The following ECE1 variants were observed in gnomAD, a reference collection of about 807,000 sequenced individuals.
The protein encoded by ECE1 is endothelin converting enzyme 1.
A neutral mutation model predicts 98.6 loss-of-function variants in ECE1; 35 were observed. The observed-to-expected ratio is 0.35, with a 90% confidence interval of 0.27 to 0.47. The LOEUF is 0.47. Ranked by LOEUF, ECE1 falls within the 20% of genes least tolerant of loss-of-function variation. ECE1 has a pLI of 1.00. For synonymous variants in ECE1, 394 were observed against 407.1 expected (o/e 0.97, Z 0.39); for missense variants, 814 against 1,025.3 (o/e 0.79, Z 2.81).
intron 4 of ECE1, among the ~76,000 whole-genome samples, chr1:21,264,320 C>CCCT (rs1491483518): frequency 3.0e-4 from 6 of 20,254 alleles, no homozygotes; most frequent in East Asian, 0.012. Context: ...CCCCCCCCCC[C>CCCT]TTTTTTTTTT....
In ECE1 at chr1:21,223,261, C is replaced by T. The variant is rs142335927; in HGVS notation, c.2041-1419G>A. On this transcript the variant is annotated intron_variant, in intron 17 of 18. Coordinates refer to ENST00000374893, the MANE Select transcript of ECE1 (RefSeq NM_001397.3). ...GTGCTGGGATTACAAGCATGAGCCACGGCACCCAGAGGACTCTTGTTTTAT... is the reference window on the plus strand; with the variant it reads ...GTGCTGGGATTACAAGCATGAGCCATGGCACCCAGAGGACTCTTGTTTTAT... Among the ~76,000 whole-genome samples the T allele has an allele frequency of 1.6e-3, 241 of 152,008 alleles. 1 individual carries two copies. Among genetic ancestry groups the T allele is most frequent in the African/African-American group, 5.4e-3 (226 of 41,478 alleles).
intron 7 of ECE1, 115 bp downstream of exon 7, chr1:21,257,410 G>T: frequency 1.7e-6 from 2 of 1,176,352 alleles, no homozygotes; most frequent in Non-Finnish European, 2.5e-6. Flanking sequence ...CACCCATCAG[G>T]TCACTGACAC....
chr1:21,231,261 G>T (rs1034320420), intron 14 of ECE1, among the ~76,000 whole-genome samples: 1 of 152,174 alleles, frequency 6.6e-6, no homozygotes, highest in Admixed American at 6.5e-5. Flanking sequence ...AGTGCAGTGA[G>T]ATGGGTACCA....
chr1:21,239,201 C>A (rs1370811057), intron 10 of ECE1, among the ~76,000 whole-genome samples: 1 of 152,114 alleles, frequency 6.6e-6, no homozygotes, highest in East Asian at 1.9e-4. Context: ...CCATACAACC[C>A]CTCTGTGCAA....
chr1:21,302,009 C>A (rs1638496216), intron 1 of ECE1, among the ~76,000 whole-genome samples: 1 of 152,150 alleles, frequency 6.6e-6, no homozygotes, highest in Admixed American at 6.5e-5. Flanking sequence ...CCCTTCCAGG[C>A]CAGGCTCACT....
At chr1:21,237,016 C>G (rs530848604) in intron 11 of ECE1, among the ~76,000 whole-genome samples, 172 bp from the exon 12 acceptor site, 1 of 152,292 alleles carries the variant, frequency 6.6e-6, no homozygotes, top group East Asian at 1.9e-4. Flanking sequence ...CTAACGTGAA[C>G]ACCCTGCAAG....
chr1:21,263,566 A>G (rs546019767), intron 4 of ECE1, among the ~76,000 whole-genome samples: 1 of 152,224 alleles, frequency 6.6e-6, no homozygotes, highest in Admixed American at 6.5e-5. Context: ...CATGTTGGCC[A>G]GGATGGTCTC....
chr1:21,245,226 G>A, intron 9 of ECE1, 123 bp from the exon 10 acceptor site: 1 of 801,090 alleles, frequency 1.2e-6, no homozygotes, highest in Non-Finnish European at 2.1e-6. Flanking sequence ...CTTCCAGCCT[G>A]CGGGGGCTTG....
chr1:21,313,378 C>T (rs1638768457), intron 1 of ECE1, among the ~76,000 whole-genome samples: 2 of 152,270 alleles, frequency 1.3e-5, no homozygotes, highest in East Asian at 1.9e-4. Context: ...GGAGGGAGCC[C>T]GGGAGGAAAC....
intron 1 of ECE1, among the ~76,000 whole-genome samples, chr1:21,301,151 C>T (rs1488384967): frequency 6.6e-6 from 1 of 152,166 alleles, no homozygotes; most frequent in African/African-American, 2.4e-5. Context: ...ACACATGGAC[C>T]AAGCTTCCCT....
rs1392502929 is a variant in ECE1 at position 21,227,140 on chromosome 1, GC to G, written c.1849+18del. ...GGAGATTACAGGCATGAGCCATCGT[GC>G]CCAGCTGGAATTCGTACCTTGATCA... On this transcript the variant is annotated intron_variant, in intron 16 of 18. Coordinates refer to ENST00000374893, the MANE Select transcript of ECE1 (RefSeq NM_001397.3). 10 of 1,613,140 alleles carry G rather than the reference GC, an allele frequency of 6.2e-6. No individual in the cohort carries two copies. Among genetic ancestry groups the G allele is most frequent in the Non-Finnish European group, 8.5e-6 (10 of 1,179,518 alleles).
chr1:21,225,695 CT>C lies in ECE1; in HGVS notation c.1850-256del, dbSNP rs11293119. ...CAGTGGGGCTTGCTTTGTTTTCTTT[CT>C]TTTTTTTTTTTTTTTGAGACAGTCT... On this transcript the variant is annotated intron_variant, in intron 16 of 18. Transcript: ENST00000374893. The surrounding 1 kb of genome is among the most constrained non-coding windows in gnomAD (Gnocchi z 5.3). Among the ~76,000 whole-genome samples, 18,119 of 137,198 alleles carry C rather than the reference CT, an allele frequency of 0.13. 2,631 individuals are homozygous for C. Among genetic ancestry groups the C allele is most frequent in the African/African-American group, 0.37 (13,813 of 37,150 alleles). The allele number at this position is 137,198 out of a possible 152,430, so 90.0% of individuals were successfully genotyped here.
chr1:21,236,835 T>C lies in ECE1; in HGVS notation c.1399A>G (p.Ile467Val). The C allele has an allele frequency of 6.2e-7, 1 of 1,613,790 alleles. No individual in the cohort carries two copies. Among genetic ancestry groups the C allele is most frequent in the Non-Finnish European group, 8.5e-7 (1 of 1,180,004 alleles). ...AEDSKSIATEIILEIKKAFEE... is the reference protein window; with the variant it reads ...AEDSKSIATEVILEIKKAFEE... The stretch of plus-strand genomic sequence containing the variant: ...AATGCCTTCTTAATCTCCAGGATGA[T>C]CTCGGTGGCCTGAGGAGATACACAT... The change falls in exon 12 of 19, where the codon ATC becomes GTC. Residue 467 changes from isoleucine (I) to valine (V), a missense_variant. Physicochemically the swap from Ile to Val is conservative, Grantham distance 29. Coordinates refer to ENST00000374893, the MANE Select transcript of ECE1 (RefSeq NM_001397.3).
Position 21,328,764 on chromosome 1 carries a change from G to GAA in ECE1, c.3+16610_3+16611dup, listed in dbSNP as rs35883969. Among the ~76,000 whole-genome samples the GAA allele has an allele frequency of 8.1e-3, 406 of 50,106 alleles. 5 individuals are homozygous for GAA. The highest frequency in any genetic ancestry group is 0.027 in the African/African-American group (358 of 13,142). The allele number at this position is 50,106 out of a possible 152,430, so 32.9% of individuals were successfully genotyped here. A position where few individuals can be genotyped will look rare whatever the true frequency, so the allele number is the denominator to read the frequency against. On this transcript the variant is annotated intron_variant, in intron 1 of 18. Transcript: ENST00000415912. ...AGCAACAAGAGCGAACCTCCATCTC[G>GAA]AAAAAAAAAAAAAAAAAAAAAAGAA...
At chr1:21,276,094 C>T (rs1477270183) in intron 3 of ECE1, among the ~76,000 whole-genome samples, 4 of 134,950 alleles carry the variant, frequency 3.0e-5, no homozygotes, top group African/African-American at 5.9e-5. Flanking sequence ...GGCATAATCT[C>T]GACTCGCTGC....
chr1:21,264,380 A>G (rs212536), intron 4 of ECE1, among the ~76,000 whole-genome samples: 3 of 148,604 alleles, frequency 2.0e-5, no homozygotes, highest in Non-Finnish European at 4.5e-5. Flanking sequence ...AGTGGCACGA[A>G]CTTGGCTCAC....
At chr1:21,229,782 A>C (rs2098179404) in intron 14 of ECE1, among the ~76,000 whole-genome samples, 1 of 152,200 alleles carries the variant, frequency 6.6e-6, no homozygotes, top group South Asian at 2.1e-4. Flanking sequence ...ATTGTTTTCC[A>C]AATGACTAAG....
chr1:21,256,294 G>A (rs917420841), intron 7 of ECE1, among the ~76,000 whole-genome samples, 156 bp from the exon 8 acceptor site: 8 of 152,090 alleles, frequency 5.3e-5, no homozygotes, highest in Admixed American at 2.0e-4. Flanking sequence ...GGTGGCTCAC[G>A]CCTGTAATCC....
chr1:21,304,736 A>C (rs1638560618), intron 1 of ECE1, among the ~76,000 whole-genome samples: 2 of 152,208 alleles, frequency 1.3e-5, no homozygotes, highest in Admixed American at 1.3e-4. Flanking sequence ...TTCTGTGGTT[A>C]CACAGGTGTC....
Sources: gnomAD v4.1 joint callset for allele counts (sites outside exome capture counted in the v4.1 genomes callset) on GRCh38, gnomAD v4.1.1 for gene constraint, Gnocchi (gnomAD v3.1) non-coding constraint, MANE v1.5 for transcripts, NCBI Gene and HGNC (gene_info 2026-07-23, HGNC 2026-07-21) for gene names.